The following RTCB variants were observed in gnomAD, a reference collection of about 807,000 sequenced individuals.
The protein encoded by RTCB is RNA 2',3'-cyclic phosphate and 5'-OH ligase.
Under a neutral mutation model 58.2 loss-of-function variants are expected in RTCB, and 32 were observed. That is an observed-to-expected ratio of 0.55 (90% CI 0.41 to 0.74). RTCB has a LOEUF of 0.74. Ranked by LOEUF, RTCB falls within the 30% of genes least tolerant of loss-of-function variation. The pLI, the probability that RTCB is intolerant of heterozygous loss-of-function variation, is 0.00. For synonymous variants in RTCB, 247 were observed against 218.6 expected (o/e 1.13, Z -1.15); for missense variants, 523 against 639.0 (o/e 0.82, Z 1.96).
Position 32,409,527 on chromosome 22 carries a change from T to C in RTCB, c.94-694A>G, listed in dbSNP as rs142103060. On this transcript the variant is annotated intron_variant, in intron 1 of 11. Coordinates refer to ENST00000216038, the MANE Select transcript of RTCB (RefSeq NM_014306.5). ...CAGAACATTTTTATCACAGGTCAAA[T>C]ATTGTGAAAGAGCTGTCCAGTAATG... is the stretch of plus-strand genomic sequence containing the variant. 5.5e-3 allele frequency among the ~76,000 whole-genome samples: 831 copies of C among 152,298 alleles called. 7 individuals carry two copies. Among genetic ancestry groups the C allele is most frequent in the Middle Eastern group, 0.034 (10 of 294 alleles).
At chr22:32,392,927 CTTTT>C in intron 10 of RTCB, among the ~76,000 whole-genome samples, 1 of 152,266 alleles carries the variant, frequency 6.6e-6, no homozygotes, top group African/African-American at 2.4e-5. Context: ...CCACCACCTG[CTTTT>C]TAAAATAAAC....
intron 9 of RTCB, 116 bp from the exon 10 acceptor site, chr22:32,394,118 T>TTC: frequency 1.6e-6 from 1 of 640,252 alleles, no homozygotes; most frequent in South Asian, 1.9e-5. Flanking sequence ...AGACTTCTTT[T>TTC]TTTTTTTTTT....
chr22:32,392,228 A>C lies in RTCB; in HGVS notation c.1410+12T>G. On this transcript the variant is annotated intron_variant, in intron 11 of 11. Transcript: ENST00000216038. ...CAATAAATATTCATGTATTTATCAA[A>C]ATTTCACTTACCTCTTCCATAACCA... is the stretch of plus-strand genomic sequence containing the variant. The C allele has an allele frequency of 6.2e-7, 1 of 1,604,232 alleles. No homozygotes were observed. The highest frequency in any genetic ancestry group is 1.7e-5 in the Admixed American group (1 of 57,464).
chr22:32,406,122 T>C (rs1933415278), intron 4 of RTCB, among the ~76,000 whole-genome samples: 1 of 152,160 alleles, frequency 6.6e-6, no homozygotes, highest in Admixed American at 6.5e-5. Context: ...GTAGCCAAAG[T>C]CTGAATACCA....
intron 9 of RTCB, 85 bp downstream of exon 9, chr22:32,394,941 G>A: frequency 8.3e-7 from 1 of 1,208,630 alleles, no homozygotes; most frequent in Non-Finnish European, 1.2e-6. Flanking sequence ...CACAATTGCT[G>A]CTTTTCGTTT....
intron 8 of RTCB, among the ~76,000 whole-genome samples, chr22:32,395,635 T>C (rs576734771): frequency 4.6e-5 from 7 of 152,360 alleles, no homozygotes; most frequent in Admixed American, 2.0e-4. Context: ...CTCTGGTATT[T>C]TGAAAGTTAA....
intron 1 of RTCB, among the ~76,000 whole-genome samples, chr22:32,410,572 C>G (rs921265187): frequency 3.3e-5 from 5 of 152,072 alleles, no homozygotes; most frequent in African/African-American, 1.2e-4. Context: ...AAACTTAAAC[C>G]AGAACTGCCT....
At chr22:32,397,565 A>G (rs1355625044) in intron 7 of RTCB, among the ~76,000 whole-genome samples, 5 of 152,200 alleles carry the variant, frequency 3.3e-5, no homozygotes, top group African/African-American at 1.2e-4. Context: ...GAGCAGGTAT[A>G]TGATACATAA....
At chr22:32,405,781 G>T (rs996943826) in intron 4 of RTCB, among the ~76,000 whole-genome samples, 1 of 152,174 alleles carries the variant, frequency 6.6e-6, no homozygotes, top group Non-Finnish European at 1.5e-5. Context: ...ACCACTGCTA[G>T]AAACAGAACT....
intron 7 of RTCB, among the ~76,000 whole-genome samples, chr22:32,397,128 A>G (rs1933258418): frequency 6.7e-6 from 1 of 149,646 alleles, no homozygotes; most frequent in Non-Finnish European, 1.5e-5. Flanking sequence ...CACTAGAAGC[A>G]AGAAGCCCCT....
chr22:32,402,383 A>G (rs1352505988), intron 4 of RTCB, among the ~76,000 whole-genome samples: 5 of 152,092 alleles, frequency 3.3e-5, no homozygotes, highest in Non-Finnish European at 2.9e-5. Flanking sequence ...CAATTTGTGC[A>G]TTTAAGGCTG....
chr22:32,388,386 C>T (rs1933095332), intron 11 of RTCB, among the ~76,000 whole-genome samples: 1 of 151,448 alleles, frequency 6.6e-6, no homozygotes, highest in African/African-American at 2.4e-5. Context: ...AAATAAAACA[C>T]ACACCAGAAC....
intron 6 of RTCB, 109 bp from the exon 7 acceptor site, chr22:32,398,209 A>G: frequency 8.0e-7 from 1 of 1,253,812 alleles, no homozygotes. Context: ...AAACATACAA[A>G]TAGTGTTTCA....
In RTCB at chr22:32,408,825, A is replaced by C; in HGVS notation, c.102T>G (p.Gly34=). ...CCAGAGCATCATTCACATAGAAAAC[A>C]CCTTCAACCTAGTACCAAGGAAAGT... ...KGFVPNMQVE[G]VFYVNDALEK... Residue 34 remains glycine, a synonymous_variant, in exon 2 of 12, where the codon GGT becomes GGG. Coordinates refer to ENST00000216038, the MANE Select transcript of RTCB (RefSeq NM_014306.5). 1 of 1,613,024 alleles carries C rather than the reference A, an allele frequency of 6.2e-7. No homozygotes were observed. The highest frequency in any genetic ancestry group is 8.5e-7 in the Non-Finnish European group (1 of 1,178,970).
chr22:32,401,577 A>G (rs747859809), intron 5 of RTCB, 170 bp downstream of exon 5: 13 of 631,434 alleles, frequency 2.1e-5, no homozygotes, highest in Non-Finnish European at 3.4e-5. Flanking sequence ...CGGTTGACTA[A>G]TGTCTCCAAT....
rs779631434 is a variant in RTCB at position 32,392,499 on chromosome 22, T to A, written c.1291-140A>T. ...TTGGTAACAGGCCTTTTAAACCTCA[T>A]CATATCCTTTTAGATTTTGGACCGG... On this transcript the variant is annotated intron_variant, in intron 10 of 11. Transcript: ENST00000216038. 5.6e-6 allele frequency: 6 copies of A among 1,080,750 alleles called. No individual in the cohort carries two copies. The Admixed American group carries it at 1.2e-4, about 21-fold the overall frequency. 66.9% of individuals were successfully genotyped at this position (1,080,750 alleles called of 1,614,324 possible).
rs996207477 is a variant in RTCB, at chr22:32,395,090, A to G, written c.1115T>C (p.Val372Ala). The G allele has an allele frequency of 6.2e-7, 1 of 1,614,074 alleles. No individual in the cohort carries two copies. Among genetic ancestry groups the G allele is most frequent in the African/African-American group, 1.3e-5 (1 of 74,912 alleles). The change falls in exon 9 of 12, where the codon GTA (valine) becomes GCA (alanine). Residue 372 changes from valine to alanine, a missense_variant. Physicochemically the swap from Val to Ala is moderately conservative, Grantham distance 64 (BLOSUM62 0). Around this residue, in one of 3 missense-constraint regions of RTCB, gnomAD observed 248 missense variants for 292.5 expected, o/e 0.85. Coordinates refer to ENST00000216038, the MANE Select transcript of RTCB (RefSeq NM_014306.5). ...VVDGKERTLL[V>A]HRKGSTRAFP... ...AGCGCGGGTGGATCCCTTCCTGTGT[A>G]CTAACAGTGTCCGTTCCTTTCCGTC...
In RTCB at chr22:32,395,216, T is replaced by C. The variant is rs1177618963; in HGVS notation, c.991-2A>G. On this transcript the variant is annotated splice_acceptor_variant, in intron 8 of 11. Transcript: ENST00000216038. LOFTEE classifies it high-confidence loss of function. Reference sequence around the variant, plus strand: ...TGTGTTGAAGACCTTGGCGAAAGCCTAGGAGAAAACACAGAAGATAAAAGC... The same window carrying C: ...TGTGTTGAAGACCTTGGCGAAAGCCCAGGAGAAAACACAGAAGATAAAAGC... The C allele has an allele frequency of 6.2e-7, 1 of 1,613,436 alleles. No individual in the cohort carries two copies. Among genetic ancestry groups the C allele is most frequent in the Non-Finnish European group, 8.5e-7 (1 of 1,179,556 alleles).
chr22:32,410,766 T>C (rs980398697), intron 1 of RTCB, among the ~76,000 whole-genome samples: 8 of 148,582 alleles, frequency 5.4e-5, no homozygotes, highest in Non-Finnish European at 1.2e-4. Flanking sequence ...TAGGCTGGAG[T>C]GCAGTTTAGA....
Sources: gnomAD v4.1 joint callset for allele counts (sites outside exome capture counted in the v4.1 genomes callset) on GRCh38, gnomAD v4.1.1 for gene constraint, gnomAD v4.1.1 regional missense constraint, MANE v1.5 for transcripts, NCBI Gene and HGNC (gene_info 2026-07-23, HGNC 2026-07-21) for gene names.